Variants in TMEM120B observed in about 807,000 individuals in gnomAD.
The protein encoded by TMEM120B is transmembrane protein 120B.
Under a neutral mutation model 55.5 loss-of-function variants are expected in TMEM120B, and 31 were observed. The observed-to-expected ratio is 0.56, with a 90% CI of 0.42 to 0.75. TMEM120B has a LOEUF of 0.75. Ranked by LOEUF, TMEM120B falls within the 30% of genes least tolerant of loss-of-function variation. TMEM120B has a pLI of 0.00. For missense variants in TMEM120B, 399 were observed against 425.5 expected (o/e 0.94, Z 0.55); for synonymous variants, 203 against 176.3 (o/e 1.15, Z -1.20).
chr12:121,781,246 T>C lies in TMEM120B; in HGVS notation c.*5524T>C. 2 of 1,526,202 alleles carry C rather than the reference T, an allele frequency of 1.3e-6. No individual in the cohort carries two copies. The highest frequency in any genetic ancestry group is 1.8e-6 in the Non-Finnish European group (2 of 1,103,962). The allele number at this position is 1,526,202 out of a possible 1,614,324, so 94.5% of individuals were successfully genotyped here. Reference sequence around the variant, plus strand: ...GGACGTCCCCTCCCTGTCTGGACTCTGACGGGTGAAGGGGAAGGGGCCAGG... The same window carrying C: ...GGACGTCCCCTCCCTGTCTGGACTCCGACGGGTGAAGGGGAAGGGGCCAGG... On this transcript the variant is annotated 3_prime_UTR_variant, in exon 12 of 12. Coordinates refer to ENST00000449592, the MANE Select transcript of TMEM120B (RefSeq NM_001080825.2).
intron 1 of TMEM120B, among the ~76,000 whole-genome samples, chr12:121,723,052 TAGTC>T (rs1017951402): frequency 5.7e-4 from 86 of 152,082 alleles, no homozygotes; most frequent in African/African-American, 1.9e-3. Flanking sequence ...TTCTCCATGT[TAGTC>T]AGGCTGGTCT....
intron 6 of TMEM120B, among the ~76,000 whole-genome samples, chr12:121,769,349 G>A (rs1287153666): frequency 1.3e-5 from 2 of 152,106 alleles, no homozygotes; most frequent in Non-Finnish European, 2.9e-5. Context: ...GGTGTGAGGT[G>A]CCGCGTGTGG....
chr12:121,741,207 G>T (rs1193058668), intron 1 of TMEM120B, among the ~76,000 whole-genome samples: 1 of 152,168 alleles, frequency 6.6e-6, no homozygotes, highest in Non-Finnish European at 1.5e-5. Flanking sequence ...ACACAGGCAG[G>T]CACACATACA....
chr12:121,721,557 C>T (rs926874349), intron 1 of TMEM120B, among the ~76,000 whole-genome samples: 7 of 150,884 alleles, frequency 4.6e-5, no homozygotes, highest in South Asian at 2.1e-4. Flanking sequence ...CTGCAACCTC[C>T]GCCTTCTGGT....
chr12:121,766,509 A>G (rs1025700074), intron 6 of TMEM120B, among the ~76,000 whole-genome samples: 4 of 152,168 alleles, frequency 2.6e-5, no homozygotes, highest in African/African-American at 9.7e-5. Flanking sequence ...CACCAGCAGT[A>G]ACCCCTGGGC....
At chr12:121,762,834 G>A (rs1312424054) in intron 6 of TMEM120B, among the ~76,000 whole-genome samples, 2 of 152,152 alleles carry the variant, frequency 1.3e-5, no homozygotes, top group African/African-American at 2.4e-5. Context: ...CCTGGGTTCC[G>A]GTCCCAGTGC....
intron 1 of TMEM120B, among the ~76,000 whole-genome samples, chr12:121,729,639 G>GAAAAAA (rs780158144): frequency 7.6e-6 from 1 of 132,206 alleles, no homozygotes; most frequent in Non-Finnish European, 1.7e-5. Flanking sequence ...ATCTCTACAA[G>GAAAAAA]AAAAAAAAAA....
rs548949215 is a variant in TMEM120B at position 121,781,625 on chromosome 12, C to G, written c.*5903C>G. 1 of 192,168 alleles carries G rather than the reference C, an allele frequency of 5.2e-6. No homozygotes were observed. Among genetic ancestry groups the G allele is most frequent in the Admixed American group, 5.3e-5 (1 of 18,826 alleles). 11.9% of individuals were successfully genotyped at this position (192,168 alleles called of 1,614,324 possible). ...TGATGCCGATAGCCAGTGTGATCCC[C>G]CTGCCCTGATGGTCAAGGGCAGAGT... On this transcript the variant is annotated 3_prime_UTR_variant, in exon 12 of 12. Transcript: ENST00000449592.
At chr12:121,720,720 A>G (rs571639808) in intron 1 of TMEM120B, among the ~76,000 whole-genome samples, 1 of 149,622 alleles carries the variant, frequency 6.7e-6, no homozygotes, top group Non-Finnish European at 1.5e-5. Flanking sequence ...GTCTCAAAAG[A>G]AAAAAAAAAG....
At chr12:121,756,105 C>T (rs1873468295) in intron 5 of TMEM120B, among the ~76,000 whole-genome samples, 1 of 152,142 alleles carries the variant, frequency 6.6e-6, no homozygotes, top group African/African-American at 2.4e-5. Flanking sequence ...TTAGTCTCTG[C>T]CTAGTGCTGA....
chr12:121,738,292 GT>G (rs1872815741), intron 1 of TMEM120B, among the ~76,000 whole-genome samples: 1 of 151,984 alleles, frequency 6.6e-6, no homozygotes, highest in Admixed American at 6.6e-5. Flanking sequence ...TAGCTGTGGT[GT>G]TTTAATTTTT....
intron 9 of TMEM120B, among the ~76,000 whole-genome samples, chr12:121,773,843 C>CG (rs1301256034): frequency 6.6e-6 from 1 of 151,600 alleles, no homozygotes; most frequent in African/African-American, 2.4e-5. Flanking sequence ...TGCATGTACA[C>CG]GGGGGAGACA....
intron 1 of TMEM120B, among the ~76,000 whole-genome samples, chr12:121,729,421 G>A (rs2137036001): frequency 6.6e-6 from 1 of 152,302 alleles, no homozygotes; most frequent in East Asian, 1.9e-4. Context: ...CAAGACAGCT[G>A]CATAGAAAAC....
chr12:121,735,207 A>C (rs1382044594), intron 1 of TMEM120B, among the ~76,000 whole-genome samples: 5 of 151,338 alleles, frequency 3.3e-5, no homozygotes, highest in East Asian at 1.9e-4. Flanking sequence ...AAAACAAAAA[A>C]AAAAACCCAG....
chr12:121,743,395 C>A (rs1263600088), intron 1 of TMEM120B, among the ~76,000 whole-genome samples: 63 of 141,114 alleles, frequency 4.5e-4, no homozygotes, highest in African/African-American at 1.2e-3. Context: ...CTAAAAATAC[C>A]AAAAAAAAAA....
chr12:121,772,705 G>A (rs1190440175), intron 8 of TMEM120B, among the ~76,000 whole-genome samples: 1 of 152,218 alleles, frequency 6.6e-6, no homozygotes, highest in Non-Finnish European at 1.5e-5. Context: ...TTACAGGCAT[G>A]AGCCATCACG....
At chr12:121,740,381 G>T (rs1872898221) in intron 1 of TMEM120B, among the ~76,000 whole-genome samples, 1 of 151,902 alleles carries the variant, frequency 6.6e-6, no homozygotes, top group African/African-American at 2.4e-5. Context: ...CTACTCGGGA[G>T]GCTGAGGCAG....
rs138117955 is a variant in TMEM120B at position 121,739,179 on chromosome 12, C to T, written c.70-4450C>T. 4.2e-3 allele frequency among the ~76,000 whole-genome samples: 642 copies of T among 152,202 alleles called. 5 individuals carry two copies. The highest frequency in any genetic ancestry group is 0.015 in the African/African-American group (615 of 41,538). Reference sequence around the variant, plus strand: ...TCTGGCCTGGGCGACAAGAGTCAAACTCTGTCTCAAAAAACAAAAAACAAA... The same window carrying T: ...TCTGGCCTGGGCGACAAGAGTCAAATTCTGTCTCAAAAAACAAAAAACAAA... On this transcript the variant is annotated intron_variant, in intron 1 of 11. Transcript: ENST00000449592.
intron 4 of TMEM120B, among the ~76,000 whole-genome samples, chr12:121,750,982 C>CACCCCAT: frequency 1.2e-5 from 1 of 80,940 alleles, no homozygotes; most frequent in Non-Finnish European, 2.5e-5. Flanking sequence ...CCCACACCCA[C>CACCCCAT]ACCCCACACC....
Sources: gnomAD v4.1 joint callset for allele counts (sites outside exome capture counted in the v4.1 genomes callset) on GRCh38, gnomAD v4.1.1 for gene constraint, MANE v1.5 for transcripts, NCBI Gene and HGNC (gene_info 2026-07-23, HGNC 2026-07-21) for gene names.